Variants in RSAD2 observed in about 807,000 individuals in gnomAD.
RSAD2 encodes the protein S-adenosylmethionine-dependent nucleotide dehydratase RSAD2.
Under a neutral mutation model 37.7 loss-of-function variants are expected in RSAD2, and 38 were observed. The ratio of observed to expected loss-of-function variants is 1.01; its 90% confidence interval spans 0.78 to 1.32. The LOEUF (loss-of-function observed/expected upper bound fraction) is 1.32. RSAD2 is among the 40% of genes most tolerant of loss of function. The pLI, the probability that RSAD2 is intolerant of heterozygous loss-of-function variation, is 0.00. For synonymous variants in RSAD2, 163 were observed against 157.4 expected (o/e 1.04, Z -0.27); for missense variants, 428 against 437.5 (o/e 0.98, Z 0.19).
At chr2:6,886,221 G>T (rs1663516568) in intron 2 of RSAD2, among the ~76,000 whole-genome samples, 2 of 152,230 alleles carry the variant, frequency 1.3e-5, no homozygotes, top group African/African-American at 4.8e-5. Flanking sequence ...AAATTGGAGG[G>T]ATAATAAGAT....
chr2:6,889,365 C>T (rs1434536579), intron 3 of RSAD2, among the ~76,000 whole-genome samples: 1 of 151,766 alleles, frequency 6.6e-6, no homozygotes. Flanking sequence ...ATCAAAAGAC[C>T]GAGAAGCAAA....
In RSAD2 at chr2:6,883,506, T is replaced by C. The variant is rs1663456628; in HGVS notation, c.482T>C (p.Ile161Thr). Residue 161 changes from isoleucine (I) to threonine (T), a missense_variant, in exon 2 of 6, where the codon ATC (isoleucine) becomes ACC (threonine). Physicochemically the swap from Ile to Thr is moderately conservative, Grantham distance 89. Coordinates refer to ENST00000382040, the MANE Select transcript of RSAD2 (RefSeq NM_080657.5). ...AGCATCGTGAGCAATGGAAGCCTGA[T>C]CCGGGAGAGGTGGTTCCAGAATTAT... ...SVSIVSNGSL[I>T]RERWFQNYGE... The C allele has an allele frequency of 3.7e-6, 6 of 1,614,074 alleles. No individual in the cohort carries two copies. Among genetic ancestry groups the C allele is most frequent in the Non-Finnish European group, 5.1e-6 (6 of 1,180,052 alleles).
At chr2:6,872,194 T>TTATTTAATTTATA (rs1374796367) in intron 1 of RSAD2, among the ~76,000 whole-genome samples, 1 of 152,238 alleles carries the variant, frequency 6.6e-6, no homozygotes, top group African/African-American at 2.4e-5. Context: ...ATTAAATGGT[T>TTATTTAATTTATA]AATATTCATT....
chr2:6,866,383 C>T (rs1435531065), intron 1 of RSAD2: 6 of 936,274 alleles, frequency 6.4e-6, no homozygotes, highest in Non-Finnish European at 7.6e-6. Context: ...CTCACCTGTG[C>T]ACTCACTCAC....
intron 1 of RSAD2, among the ~76,000 whole-genome samples, chr2:6,880,554 G>C (rs1206721214): frequency 6.6e-6 from 1 of 152,072 alleles, no homozygotes; most frequent in Non-Finnish European, 1.5e-5. Flanking sequence ...TGTTTTACTG[G>C]GACCCATTGT....
chr2:6,870,565 AAGAG>A (rs2103234946), intron 1 of RSAD2, among the ~76,000 whole-genome samples: 1 of 152,260 alleles, frequency 6.6e-6, no homozygotes, highest in South Asian at 2.1e-4. Context: ...TGGAACCTCA[AAGAG>A]AAACTTCTTT....
Position 6,897,519 on chromosome 2 carries a change from T to G in RSAD2, c.*1577T>G, listed in dbSNP as rs945149692. 2.0e-5 allele frequency: 3 copies of G among 152,346 alleles called. No individual in the cohort carries two copies. The East Asian group carries it at 5.8e-4, about 29-fold the overall frequency. The allele number at this position is 152,346 out of a possible 1,614,324, so 9.4% of individuals were successfully genotyped here. On this transcript the variant is annotated 3_prime_UTR_variant, in exon 6 of 6. Transcript: ENST00000382040. ...AAGTCTATAATTCAATTTAAATATGTGTGTGTCTCATCCAGGATAGGATAG... is the reference window on the plus strand; with the variant it reads ...AAGTCTATAATTCAATTTAAATATGGGTGTGTCTCATCCAGGATAGGATAG...
Position 6,896,649 on chromosome 2 carries a change from A to G in RSAD2, c.*707A>G, listed in dbSNP as rs1342568262. 1 of 152,168 alleles carries G rather than the reference A, an allele frequency of 6.6e-6. No homozygotes were observed. The highest frequency in any genetic ancestry group is 1.5e-5 in the Non-Finnish European group (1 of 68,044). 9.4% of individuals were successfully genotyped at this position (152,168 alleles called of 1,614,324 possible). ...ATGATAATCCTACCAATTTTCAAGAAGTCTCTAGAAAGAGATAACACATGG... is the reference window on the plus strand; with the variant it reads ...ATGATAATCCTACCAATTTTCAAGAGGTCTCTAGAAAGAGATAACACATGG... On this transcript the variant is annotated 3_prime_UTR_variant, in exon 6 of 6. Coordinates refer to ENST00000382040, the MANE Select transcript of RSAD2 (RefSeq NM_080657.5).
At chr2:6,870,868 T>C (rs1198082041) in intron 1 of RSAD2, among the ~76,000 whole-genome samples, 1 of 152,228 alleles carries the variant, frequency 6.6e-6, no homozygotes, top group Non-Finnish European at 1.5e-5. Flanking sequence ...TCTTCCTATC[T>C]GGTCAGCTGC....
chr2:6,868,876 G>A (rs1663154250), intron 1 of RSAD2, among the ~76,000 whole-genome samples: 1 of 152,192 alleles, frequency 6.6e-6, no homozygotes, highest in African/African-American at 2.4e-5. Flanking sequence ...ACCCTCCAGA[G>A]GCTCTTTATA....
chr2:6,874,937 A>G (rs780951802), upstream of RSAD2, among the ~76,000 whole-genome samples: 1 of 152,210 alleles, frequency 6.6e-6, no homozygotes, highest in African/African-American at 2.4e-5. Context: ...TTGAAAAGTC[A>G]TATTTAAGAA....
chr2:6,871,565 G>A (rs1156485356), intron 1 of RSAD2, among the ~76,000 whole-genome samples: 1 of 152,236 alleles, frequency 6.6e-6, no homozygotes, highest in Non-Finnish European at 1.5e-5. Flanking sequence ...ATGTGGGACA[G>A]ATACATTTCA....
At chr2:6,874,122 C>A (rs1324050604), upstream of RSAD2, among the ~76,000 whole-genome samples, 1 of 152,066 alleles carries the variant, frequency 6.6e-6, no homozygotes, top group African/African-American at 2.4e-5. Context: ...GTGTGTAGCG[C>A]CTCCTCCTGC....
At chr2:6,873,247 T>A (rs1265425951), upstream of RSAD2, among the ~76,000 whole-genome samples, 1 of 152,212 alleles carries the variant, frequency 6.6e-6, no homozygotes. Flanking sequence ...TCTGAATTGT[T>A]CCATGTAACC....
intron 4 of RSAD2, among the ~76,000 whole-genome samples, chr2:6,892,706 C>T (rs1663657621): frequency 6.6e-6 from 1 of 152,152 alleles, no homozygotes; most frequent in South Asian, 2.1e-4. Flanking sequence ...GAGGTTGGCC[C>T]ACCACTCTGC....
chr2:6,877,767 T>C, upstream of RSAD2: 2 of 1,530,326 alleles, frequency 1.3e-6, no homozygotes, highest in East Asian at 2.3e-5. Flanking sequence ...GTCCCTGGCA[T>C]ACAGAGACTG....
intron 1 of RSAD2, among the ~76,000 whole-genome samples, chr2:6,882,534 C>T (rs1663434110): frequency 6.6e-6 from 1 of 152,030 alleles, no homozygotes; most frequent in African/African-American, 2.4e-5. Context: ...CTCCAATGTT[C>T]CAGTAATAGA....
chr2:6,877,193 A>G (rs1663299147), upstream of RSAD2: 1 of 152,242 alleles, frequency 6.6e-6, no homozygotes, highest in South Asian at 2.1e-4. Context: ...TAAATATCTA[A>G]ATTTTAACAC....
rs754434037 is a variant in RSAD2, at chr2:6,878,018, C to G, written c.218C>G (p.Thr73Ser). The G allele has an allele frequency of 1.2e-6, 2 of 1,614,210 alleles. No homozygotes were observed. The highest frequency in any genetic ancestry group is 2.2e-5 in the South Asian group (2 of 91,086). The change falls in exon 1 of 6, where the codon ACC (threonine) becomes AGC (serine). Residue 73 changes from threonine (T) to serine (S), a missense_variant. Thr to Ser is a moderately conservative substitution (Grantham distance 58, BLOSUM62 1). Coordinates refer to ENST00000382040, the MANE Select transcript of RSAD2 (RefSeq NM_080657.5). ...EEDPPLPTTP[T>S]SVNYHFTRQC... ...GACCCTCCTCTGCCCACCACCCCAACCAGCGTCAACTATCACTTCACTCGC... is the reference window on the plus strand; with the variant it reads ...GACCCTCCTCTGCCCACCACCCCAAGCAGCGTCAACTATCACTTCACTCGC...
Sources: gnomAD v4.1 joint callset for allele counts (sites outside exome capture counted in the v4.1 genomes callset) on GRCh38, gnomAD v4.1.1 for gene constraint, MANE v1.5 for transcripts, NCBI Gene and HGNC (gene_info 2026-07-23, HGNC 2026-07-21) for gene names.